The following OGDH variants were observed in gnomAD, a reference collection of about 807,000 sequenced individuals.
OGDH encodes oxoglutarate dehydrogenase, also known as 2-oxoglutarate dehydrogenase complex component E1.
In OGDH, 38 loss-of-function variants were observed where a neutral mutation model predicts 116.6. The ratio of observed to expected loss-of-function variants is 0.33; its 90% CI spans 0.25 to 0.43. The LOEUF is 0.43. Ranked by LOEUF, OGDH falls within the 20% of genes least tolerant of loss-of-function variation. The probability of loss-of-function intolerance (pLI) is 1.00; values close to 1 mark genes in which losing one functional copy is unlikely to be tolerated. For synonymous variants in OGDH, 488 were observed against 533.3 expected (o/e 0.92, Z 1.17); for missense variants, 825 against 1,357.2 (o/e 0.61, Z 6.16).
Position 44,694,386 on chromosome 7 carries a change from A to G in OGDH, c.1516-38A>G. On this transcript the variant is annotated intron_variant, in intron 11 of 22. Coordinates refer to ENST00000222673, the MANE Select transcript of OGDH (RefSeq NM_002541.4). This position sits in a 1 kb window ranked among gnomAD's most constrained non-coding sequence, Gnocchi z 4.2. ...GAACAGCACTTCTTCCCAAGGGGCC[A>G]GCCCTTGTCTCTGACATCCTCTCAC... 1 of 1,609,898 alleles carries G rather than the reference A, an allele frequency of 6.2e-7. No individual in the cohort carries two copies. The highest frequency in any genetic ancestry group is 8.5e-7 in the Non-Finnish European group (1 of 1,178,056).
intron 19 of OGDH, 71 bp from the exon 20 acceptor site, chr7:44,701,472 C>G (rs1020025653): frequency 7.2e-7 from 1 of 1,385,574 alleles, no homozygotes; most frequent in African/African-American, 1.4e-5. Context: ...GCTTGGGTAG[C>G]CTTGCTTTTG....
At chr7:44,624,107 A>T (rs1442955074) in intron 1 of OGDH, among the ~76,000 whole-genome samples, 1 of 152,104 alleles carries the variant, frequency 6.6e-6, no homozygotes, top group Non-Finnish European at 1.5e-5. Flanking sequence ...GGCACTGAGC[A>T]GGTAGCACTC....
At chr7:44,615,262 G>A (rs1054015763) in intron 1 of OGDH, among the ~76,000 whole-genome samples, 5 of 152,198 alleles carry the variant, frequency 3.3e-5, no homozygotes, top group African/African-American at 1.2e-4. Context: ...GGGGCAGGGA[G>A]GGGCTGCTTC....
At chr7:44,616,435 C>T (rs1784771556) in intron 1 of OGDH, among the ~76,000 whole-genome samples, 1 of 151,954 alleles carries the variant, frequency 6.6e-6, no homozygotes, top group Non-Finnish European at 1.5e-5. Flanking sequence ...CCAGTGGTGA[C>T]CACCCATGAT....
At chr7:44,636,981 C>T (rs1319694176) in intron 2 of OGDH, among the ~76,000 whole-genome samples, 1 of 152,104 alleles carries the variant, frequency 6.6e-6, no homozygotes, top group Non-Finnish European at 1.5e-5. Flanking sequence ...CCTCTGATGC[C>T]ATTTGGTGGC....
intron 4 of OGDH, among the ~76,000 whole-genome samples, chr7:44,649,442 G>C (rs1562639963): frequency 6.6e-6 from 1 of 151,820 alleles, no homozygotes; most frequent in Non-Finnish European, 1.5e-5. Context: ...TAGAAACGGG[G>C]TTTCACCATG....
Position 44,636,733 on chromosome 7 carries a change from G to A in OGDH, c.223-8594G>A, listed in dbSNP as rs190669912. 2.8e-3 allele frequency among the ~76,000 whole-genome samples: 430 copies of A among 152,340 alleles called. 2 individuals carry two copies. Among genetic ancestry groups the A allele is most frequent in the African/African-American group, 1.0e-2 (414 of 41,578 alleles). ...TGAGTTTGTGGGAGCTTGGGGAGCAGTGACTTTTGACTTGGAAAACAGAGC... is the reference window on the plus strand; with the variant it reads ...TGAGTTTGTGGGAGCTTGGGGAGCAATGACTTTTGACTTGGAAAACAGAGC... On this transcript the variant is annotated intron_variant, in intron 2 of 22. Coordinates refer to ENST00000222673, the MANE Select transcript of OGDH (RefSeq NM_002541.4).
intron 4 of OGDH, among the ~76,000 whole-genome samples, chr7:44,664,220 C>T (rs1395054015): frequency 6.6e-6 from 1 of 152,130 alleles, no homozygotes; most frequent in Non-Finnish European, 1.5e-5. Context: ...CTTGTTATTG[C>T]CAGCAGAGGT....
chr7:44,628,659 A>T (rs1438493627), intron 2 of OGDH, among the ~76,000 whole-genome samples: 1 of 151,940 alleles, frequency 6.6e-6, no homozygotes, highest in Non-Finnish European at 1.5e-5. Context: ...TATGTTGTCC[A>T]GACTGGTCTT....
chr7:44,629,500 C>T (rs1297778929), intron 2 of OGDH, among the ~76,000 whole-genome samples: 3 of 152,164 alleles, frequency 2.0e-5, no homozygotes, highest in South Asian at 2.1e-4. Flanking sequence ...TTCCTCTGCC[C>T]TGCCCACCTG....
In OGDH at chr7:44,697,863, G is replaced by A. The variant is rs1192161993; in HGVS notation, c.2358+81G>A. 6.7e-7 allele frequency: 1 copy of A among 1,483,994 alleles called. No homozygotes were observed. Among genetic ancestry groups the A allele is most frequent in the African/African-American group, 1.4e-5 (1 of 71,312 alleles). The allele number at this position is 1,483,994 out of a possible 1,614,324, so 91.9% of individuals were successfully genotyped here. On this transcript the variant is annotated intron_variant, in intron 17 of 22. Transcript: ENST00000222673. The surrounding 1 kb of genome is among the most constrained non-coding windows in gnomAD (Gnocchi z 6.0). The stretch of plus-strand genomic sequence containing the variant: ...ACCCTGACCCCAAAGACTGGCACGA[G>A]AGCCAGTGGCTCACACCAGCCTCCT...
rs140559523 is a variant in OGDH, at chr7:44,683,971, G to C, written c.1335+2123G>C. ...ATCACAGACCTTATAGTTTAGTGCA[G>C]GGTCAGGGGGCTCATAGACAGTGCC... On this transcript the variant is annotated intron_variant, in intron 10 of 22. Transcript: ENST00000222673. 7.2e-4 allele frequency among the ~76,000 whole-genome samples: 109 copies of C among 152,270 alleles called. 1 individual carries two copies. In the East Asian group the frequency reaches 0.015, roughly 22 times the overall value.
chr7:44,613,140 T>G (rs994871107), intron 1 of OGDH, among the ~76,000 whole-genome samples: 1 of 151,652 alleles, frequency 6.6e-6, no homozygotes, highest in Non-Finnish European at 1.5e-5. Flanking sequence ...CCTCCCAAAG[T>G]GCTGGGATTA....
At chr7:44,657,793 G>A (rs1786759805) in intron 4 of OGDH, among the ~76,000 whole-genome samples, 1 of 152,070 alleles carries the variant, frequency 6.6e-6, no homozygotes, top group African/African-American at 2.4e-5. Flanking sequence ...CATCCATTTT[G>A]TGTAAATTTC....
At chr7:44,676,294 G>T (rs545173974) in intron 9 of OGDH, 145 bp downstream of exon 9, 1 of 1,518,846 alleles carries the variant, frequency 6.6e-7, no homozygotes, top group African/African-American at 1.4e-5. Flanking sequence ...AGTGTCTCAC[G>T]CCTGTAATCC....
At chr7:44,656,091 A>T (rs542332653) in intron 4 of OGDH, among the ~76,000 whole-genome samples, 2 of 152,122 alleles carry the variant, frequency 1.3e-5, no homozygotes, top group South Asian at 4.1e-4. Context: ...GATTCACCTT[A>T]TTCCAGCTGT....
intron 10 of OGDH, among the ~76,000 whole-genome samples, chr7:44,687,091 ATTTTTTTT>A (rs59074567): frequency 3.1e-5 from 3 of 95,538 alleles, no homozygotes; most frequent in African/African-American, 1.3e-4. Flanking sequence ...ATTTTTTTTA[ATTTTTTTT>A]TTTTTTTTTT....
chr7:44,679,556 G>T (rs1210210058), intron 9 of OGDH, among the ~76,000 whole-genome samples: 4 of 152,210 alleles, frequency 2.6e-5, no homozygotes, highest in Non-Finnish European at 5.9e-5. Context: ...ACTCAGGGAG[G>T]TGCAGGTCAG....
chr7:44,669,145 C>CTTTTTTTTTTTTGTTTTTTTT (rs1787315727), intron 5 of OGDH, among the ~76,000 whole-genome samples: 1 of 77,814 alleles, frequency 1.3e-5, no homozygotes, highest in East Asian at 5.3e-4. Context: ...AGCCCGGCAG[C>CTTTTTTTTTTTTGTTTTTTTT]TTTTTTTTTT....
Sources: gnomAD v4.1 joint callset for allele counts (sites outside exome capture counted in the v4.1 genomes callset) on GRCh38, gnomAD v4.1.1 for gene constraint, Gnocchi (gnomAD v3.1) non-coding constraint, MANE v1.5 for transcripts, NCBI Gene and HGNC (gene_info 2026-07-23, HGNC 2026-07-21) for gene names.